The following PCDHA6 variants were observed in gnomAD, a reference collection of about 807,000 sequenced individuals.
PCDHA6 encodes protocadherin alpha 6.
PCDHA6 carries 55 observed loss-of-function variants against 60.3 expected under a neutral mutation model. The ratio of observed to expected loss-of-function variants is 0.91; its 90% CI spans 0.73 to 1.14. The LOEUF (loss-of-function observed/expected upper bound fraction) is 1.14. Among genes scored for constraint, PCDHA6 ranks in the 50% most tolerant of loss-of-function variants. The pLI, the probability that PCDHA6 is intolerant of heterozygous loss-of-function variation, is 0.00. For missense variants in PCDHA6, 1,327 were observed against 1,256.5 expected, an observed-to-expected ratio of 1.06 and a Z score of -0.85; for synonymous variants, 652 against 557.9, an observed-to-expected ratio of 1.17 and a Z score of -2.38.
Position 140,829,327 on chromosome 5 carries a change from C to T in PCDHA6, c.1236C>T (p.Ala412=). ...KNYYSLVLDS[A]LDRESVSAYE... is the part of the protein sequence containing the mutation. Reference sequence around the variant, plus strand: ...ACTACTCGTTGGTGCTGGACAGTGCCCTGGACCGCGAGAGCGTGTCGGCCT... The same window carrying T: ...ACTACTCGTTGGTGCTGGACAGTGCTCTGGACCGCGAGAGCGTGTCGGCCT... The change falls in exon 1 of 4, where the codon GCC becomes GCT. Residue 412 remains alanine (A), a synonymous_variant. Transcript: ENST00000529310. 1 of 1,614,240 alleles carries T rather than the reference C, an allele frequency of 6.2e-7. No individual in the cohort carries two copies. The highest frequency in any genetic ancestry group is 1.1e-5 in the South Asian group (1 of 91,082).
intron 3 of PCDHA6, among the ~76,000 whole-genome samples, chr5:140,993,524 A>ACGGG (rs2097569997): frequency 2.0e-5 from 3 of 147,314 alleles, no homozygotes; most frequent in Admixed American, 2.0e-4. Flanking sequence ...AGAGAGAGAC[A>ACGGG]GAGAGAGAGA....
At position 140,943,090 on chromosome 5, in the gene PCDHA6, C is replaced by A. The variant is rs554425182; in HGVS notation, c.2395-35859C>A. On this transcript the variant is annotated intron_variant, in intron 1 of 3. Coordinates refer to ENST00000529310, the MANE Select transcript of PCDHA6 (RefSeq NM_018909.4). The stretch of plus-strand genomic sequence containing the variant: ...TGACCAACATGGTGAAATCCTGCCT[C>A]TACTAAAAAATACAAAAATTAGCCA... Among the ~76,000 whole-genome samples the A allele has an allele frequency of 1.8e-4, 27 of 151,656 alleles. No homozygotes were observed. The South Asian group carries it at 2.5e-3, about 14-fold the overall frequency.
At chr5:140,934,258 A>G (rs2089731137) in intron 1 of PCDHA6, among the ~76,000 whole-genome samples, 1 of 152,140 alleles carries the variant, frequency 6.6e-6, no homozygotes, top group Non-Finnish European at 1.5e-5. Flanking sequence ...ATCAAAATTA[A>G]TAATAATCAG....
chr5:141,009,580 G>A (rs1554262213), intron 3 of PCDHA6, 47 bp from the exon 4 acceptor site: 1 of 1,588,170 alleles, frequency 6.3e-7, no homozygotes, highest in South Asian at 1.2e-5. Flanking sequence ...GTGGCATCAA[G>A]AGCATGTGTT....
intron 1 of PCDHA6, chr5:140,869,678 T>A: frequency 1.9e-6 from 3 of 1,613,496 alleles, no homozygotes; most frequent in East Asian, 4.5e-5. Flanking sequence ...ATTAAAAGAC[T>A]GTCACTTATT....
Position 140,871,201 on chromosome 5 carries a change from A to G in PCDHA6, c.2394+40716A>G, listed in dbSNP as rs561860727. ...GCTGGTGGATGTCAACGTGTACCTGATCATCGCCATCTGCGTGGTGTCCAG... is the reference window on the plus strand; with the variant it reads ...GCTGGTGGATGTCAACGTGTACCTGGTCATCGCCATCTGCGTGGTGTCCAG... On this transcript the variant is annotated intron_variant, in intron 1 of 3. Coordinates refer to ENST00000529310, the MANE Select transcript of PCDHA6 (RefSeq NM_018909.4). The G allele has an allele frequency of 3.3e-5, 54 of 1,613,672 alleles. 1 individual carries two copies. The Admixed American group carries it at 7.2e-4, about 21-fold the overall frequency.
At chr5:140,966,885 C>G in intron 1 of PCDHA6, 1 of 1,590,818 alleles carries the variant, frequency 6.3e-7, no homozygotes, top group Non-Finnish European at 8.5e-7. Flanking sequence ...CCTGGCCCTG[C>G]GGCCTCCCAG....
intron 1 of PCDHA6, chr5:140,870,040 A>G: frequency 1.2e-6 from 2 of 1,613,768 alleles, no homozygotes; most frequent in Non-Finnish European, 1.7e-6. Flanking sequence ...TGAAGAAAAC[A>G]AGTTTTATAA....
chr5:140,945,048 A>G (rs2093731802), intron 1 of PCDHA6, among the ~76,000 whole-genome samples: 1 of 152,182 alleles, frequency 6.6e-6, no homozygotes, highest in South Asian at 2.1e-4. Context: ...GGTCTTATAT[A>G]AAGAAAACCC....
At chr5:140,849,664 C>A (rs2150444192) in intron 1 of PCDHA6, 1 of 1,598,668 alleles carries the variant, frequency 6.3e-7, no homozygotes, top group African/African-American at 1.3e-5. Context: ...TGCTCCCTGA[C>A]GCCCCACGTC....
intron 1 of PCDHA6, among the ~76,000 whole-genome samples, chr5:140,913,558 G>C (rs1042223174): frequency 2.6e-5 from 4 of 151,668 alleles, no homozygotes; most frequent in African/African-American, 4.8e-5. Flanking sequence ...TTGATCTCTT[G>C]TATTTTCATC....
In PCDHA6 at chr5:140,986,535, G is replaced by A. The variant is rs552843991; in HGVS notation, c.2542+3972G>A. Among the ~76,000 whole-genome samples, 134 of 152,300 alleles carry A rather than the reference G, an allele frequency of 8.8e-4. 1 individual carries two copies. Among genetic ancestry groups the A allele is most frequent in the Non-Finnish European group, 1.4e-3 (98 of 68,024 alleles). Reference sequence around the variant, plus strand: ...CCCTGCCTGTGAGGGAACTGGCCTGGCTTCAGTGGGCCAGGCTGCTTTGTT... The same window carrying A: ...CCCTGCCTGTGAGGGAACTGGCCTGACTTCAGTGGGCCAGGCTGCTTTGTT... On this transcript the variant is annotated intron_variant, in intron 3 of 3. Transcript: ENST00000529310.
intron 1 of PCDHA6, chr5:140,869,685 T>G: frequency 6.2e-7 from 1 of 1,613,500 alleles, no homozygotes; most frequent in Non-Finnish European, 8.5e-7. Flanking sequence ...GACTGTCACT[T>G]ATTTTAAAGA....
At chr5:140,901,033 T>C (rs2153472378) in intron 1 of PCDHA6, among the ~76,000 whole-genome samples, 1 of 152,364 alleles carries the variant, frequency 6.6e-6, no homozygotes, top group South Asian at 2.1e-4. Flanking sequence ...TTCAACTCTT[T>C]TGCCCATTTT....
chr5:140,965,794 C>T (rs1554227851), intron 1 of PCDHA6, among the ~76,000 whole-genome samples: 1 of 152,170 alleles, frequency 6.6e-6, no homozygotes, highest in Non-Finnish European at 1.5e-5. Flanking sequence ...TTCATGGAGA[C>T]TATTTTTTTA....
chr5:140,886,043 T>C (rs977275136), intron 1 of PCDHA6, among the ~76,000 whole-genome samples: 3 of 152,168 alleles, frequency 2.0e-5, no homozygotes, highest in Admixed American at 6.5e-5. Context: ...TTTTCCCCAA[T>C]AGTAACATCT....
intron 1 of PCDHA6, among the ~76,000 whole-genome samples, chr5:140,874,881 CCTAA>C (rs1562692558): frequency 6.6e-6 from 1 of 152,102 alleles, no homozygotes; most frequent in African/African-American, 2.4e-5. Context: ...AATACAAATT[CCTAA>C]CTTTCTCTAA....
rs1453798087 is a variant in PCDHA6 at position 140,849,691 on chromosome 5, C to T, written c.2394+19206C>T. Reference sequence around the variant, plus strand: ...CCCCACGTCCCCTTCAAGCTGGTGTCCACCTACAAGAATTACTACTCGTTG... The same window carrying T: ...CCCCACGTCCCCTTCAAGCTGGTGTTCACCTACAAGAATTACTACTCGTTG... On this transcript the variant is annotated intron_variant, in intron 1 of 3. Transcript: ENST00000529310. 1.3e-6 allele frequency: 2 copies of T among 1,598,536 alleles called. No individual in the cohort carries two copies. The highest frequency in any genetic ancestry group is 2.2e-5 in the South Asian group (2 of 90,552).
In PCDHA6 at chr5:140,857,008, T is replaced by C. The variant is rs2044317901; in HGVS notation, c.2394+26523T>C. On this transcript the variant is annotated intron_variant, in intron 1 of 3. Transcript: ENST00000529310. The stretch of plus-strand genomic sequence containing the variant: ...GTAACACTTATGAAATTCATGTAGA[T>C]GTTACAGATAAGGGAAACCCACCTA... 4 of 1,595,746 alleles carry C rather than the reference T, an allele frequency of 2.5e-6. 1 individual carries two copies. Among genetic ancestry groups the C allele is most frequent in the Non-Finnish European group, 3.4e-6 (4 of 1,165,590 alleles).
Sources: allele counts gnomAD v4.1 joint callset (sites outside exome capture counted in the v4.1 genomes callset), GRCh38; gene constraint gnomAD v4.1.1; transcripts MANE v1.5; gene names NCBI Gene and HGNC (gene_info 2026-07-23, HGNC 2026-07-21).